Variants in TCL1A observed in about 807,000 individuals in gnomAD.
TCL1A encodes T-cell leukemia/lymphoma protein 1A.
A neutral mutation model predicts 16.9 loss-of-function variants in TCL1A; 9 were observed. The observed-to-expected ratio is 0.53, with a 90% CI of 0.32 to 0.93. The LOEUF (loss-of-function observed/expected upper bound fraction) is 0.93. Ranked by LOEUF, TCL1A falls within the 40% of genes least tolerant of loss-of-function variation. The probability of loss-of-function intolerance (pLI) is 0.04; values close to 1 mark genes in which losing one functional copy is unlikely to be tolerated. For missense variants in TCL1A, 139 were observed against 153.0 expected, an observed-to-expected ratio of 0.91 and a Z score of 0.48; for synonymous variants, 69 against 63.2, an observed-to-expected ratio of 1.09 and a Z score of -0.44.
chr14:95,712,781 GAA>G (rs747850065), intron 1 of TCL1A: 568 of 583,014 alleles, frequency 9.7e-4, no homozygotes, highest in Middle Eastern at 1.4e-3. Context: ...GTATCTACAG[GAA>G]AAAAAAAAAA....
At chr14:95,713,888 T>C (rs1886480990) in intron 1 of TCL1A, 59 bp downstream of exon 1, 3 of 1,601,026 alleles carry the variant, frequency 1.9e-6, no homozygotes, top group Middle Eastern at 1.7e-4. Flanking sequence ...TCCTAGGGCA[T>C]CCCAAGCTCC....
At chr14:95,711,394 G>C (rs995959100) in intron 3 of TCL1A, 1 of 168,468 alleles carries the variant, frequency 5.9e-6, no homozygotes, top group Non-Finnish European at 1.3e-5. Flanking sequence ...GTGTGAACCC[G>C]GGAGGCAGAG....
chr14:95,712,327 G>A lies in TCL1A; in HGVS notation c.190C>T (p.Pro64Ser), dbSNP rs766396309. 1 of 1,614,130 alleles carries A rather than the reference G, an allele frequency of 6.2e-7. No individual in the cohort carries two copies. The highest frequency in any genetic ancestry group is 8.5e-7 in the Non-Finnish European group (1 of 1,180,012). ...EDVVLGRPMT[P>S]TQIGPSLLPI... is the part of the protein sequence containing the mutation. ...AGCAGGCTTGGGCCTATCTGGGTGG[G>A]GGTCATAGGCCTCCCCAGGACGACG... is the stretch of plus-strand genomic sequence containing the variant. Residue 64 changes from proline to serine, a missense_variant, in exon 2 of 4, where the codon CCC becomes TCC. Coordinates refer to ENST00000402399, the MANE Select transcript of TCL1A (RefSeq NM_021966.3).
chr14:95,711,295 TAA>T (rs1163643091), intron 3 of TCL1A, among the ~76,000 whole-genome samples: 15 of 79,760 alleles, frequency 1.9e-4, no homozygotes, highest in African/African-American at 2.9e-4. Flanking sequence ...CCGTCTCTAC[TAA>T]AAAAAAAAAA....
chr14:95,711,117 C>CT (rs1886335679), intron 3 of TCL1A, among the ~76,000 whole-genome samples: 2 of 152,180 alleles, frequency 1.3e-5, no homozygotes, highest in Middle Eastern at 6.8e-3. Context: ...AATAGCGTAT[C>CT]TAATATCTGG....
chr14:95,713,425 T>C (rs188733186), intron 1 of TCL1A, among the ~76,000 whole-genome samples: 3 of 152,344 alleles, frequency 2.0e-5, no homozygotes, highest in Middle Eastern at 3.4e-3. Flanking sequence ...AAAAAGTCAA[T>C]ATTGATTCAA....
intron 3 of TCL1A, 114 bp downstream of exon 3, chr14:95,711,635 C>T: frequency 7.9e-7 from 1 of 1,262,208 alleles, no homozygotes. Flanking sequence ...CCTAGGGACC[C>T]TCAGATGGCA....
At chr14:95,712,942 G>A (rs572229588) in intron 1 of TCL1A, among the ~76,000 whole-genome samples, 14 of 152,208 alleles carry the variant, frequency 9.2e-5, no homozygotes, top group Admixed American at 6.5e-4. Context: ...TTGGTGTCAC[G>A]TTGAAGAAGA....
chr14:95,713,344 A>G (rs1886429623), intron 1 of TCL1A, among the ~76,000 whole-genome samples: 3 of 152,352 alleles, frequency 2.0e-5, no homozygotes, highest in Admixed American at 6.5e-5. Flanking sequence ...AAATACTTGT[A>G]AAAGACTTAT....
At chr14:95,713,864 T>G (rs1353058709) in intron 1 of TCL1A, 83 bp downstream of exon 1, 14 of 1,577,964 alleles carry the variant, frequency 8.9e-6, no homozygotes, top group Non-Finnish European at 1.2e-5. Flanking sequence ...GAGTGCTCCT[T>G]GAGTCCTCGC....
intron 3 of TCL1A, 60 bp downstream of exon 3, chr14:95,711,689 G>A: frequency 1.3e-6 from 2 of 1,582,976 alleles, no homozygotes; most frequent in East Asian, 4.5e-5. Flanking sequence ...AGAAGGGGTG[G>A]TCTTTCTTTC....
At chr14:95,712,843 G>GTCCCAC in intron 1 of TCL1A, 1 of 450,126 alleles carries the variant, frequency 2.2e-6, no homozygotes, top group South Asian at 2.0e-5. Context: ...TCAATGATGT[G>GTCCCAC]AGGCAAAATC....
intron 1 of TCL1A, 51 bp downstream of exon 1, chr14:95,713,896 T>C (rs1595068020): frequency 6.2e-7 from 1 of 1,604,572 alleles, no homozygotes; most frequent in Non-Finnish European, 8.5e-7. Flanking sequence ...CATCCCAAGC[T>C]CCCAGGGGCT....
chr14:95,714,113 C>G lies in TCL1A; in HGVS notation c.-47G>C, dbSNP rs764191158. The G allele has an allele frequency of 6.2e-7, 1 of 1,605,602 alleles. No individual in the cohort carries two copies. Among genetic ancestry groups the G allele is most frequent in the South Asian group, 1.1e-5 (1 of 90,718 alleles). ...AAGCAAGAGCCAGAGCCTCTCAAGG[C>G]CGCTCGCTGGTCCCTGGGATGTGGG... On this transcript the variant is annotated 5_prime_UTR_variant, in exon 1 of 4. Transcript: ENST00000402399.
At chr14:95,713,025 AG>A (rs1465517902) in intron 1 of TCL1A, among the ~76,000 whole-genome samples, 1 of 152,244 alleles carries the variant, frequency 6.6e-6, no homozygotes, top group Non-Finnish European at 1.5e-5. Flanking sequence ...ATTTTAAAAA[AG>A]TAAGTATTTA....
intron 1 of TCL1A, among the ~76,000 whole-genome samples, chr14:95,712,984 C>T (rs1886406586): frequency 1.3e-5 from 2 of 152,106 alleles, no homozygotes; most frequent in South Asian, 4.1e-4. Context: ...AAGAAATCCA[C>T]TGAATCTTCA....
chr14:95,712,336 G>A lies in TCL1A; in HGVS notation c.181C>T (p.Pro61Ser), dbSNP rs775321262. The part of the protein sequence containing the change: ...LRREDVVLGR[P>S]MTPTQIGPSL... ...GGGCCTATCTGGGTGGGGGTCATAG[G>A]CCTCCCCAGGACGACGTCTTCCCGA... Residue 61 changes from proline to serine, a missense_variant, in exon 2 of 4, where the codon CCT becomes TCT. By Grantham distance (74) the Pro-to-Ser change is moderately conservative. Transcript: ENST00000402399. 2.7e-5 allele frequency: 43 copies of A among 1,613,922 alleles called. No homozygotes were observed. The highest frequency in any genetic ancestry group is 3.6e-5 in the Non-Finnish European group (42 of 1,179,962).
intron 3 of TCL1A, 33 bp downstream of exon 3, chr14:95,711,716 G>C: frequency 6.2e-7 from 1 of 1,610,384 alleles, no homozygotes; most frequent in Non-Finnish European, 8.5e-7. Flanking sequence ...AGCCACTGTG[G>C]ACTAAGAGGG....
chr14:95,713,609 G>A (rs374706524), intron 1 of TCL1A, among the ~76,000 whole-genome samples: 11 of 152,208 alleles, frequency 7.2e-5, no homozygotes, highest in African/African-American at 2.6e-4. Flanking sequence ...AGATGATTCC[G>A]ATAATCGGCC....
Sources: allele counts gnomAD v4.1 joint callset (sites outside exome capture counted in the v4.1 genomes callset), GRCh38; gene constraint gnomAD v4.1.1; transcripts MANE v1.5; gene names NCBI Gene and HGNC (gene_info 2026-07-23, HGNC 2026-07-21).